Variants in ITPR2 observed in about 807,000 individuals in gnomAD.
The protein encoded by ITPR2 is inositol 1,4,5-trisphosphate receptor type 2.
A neutral mutation model predicts 317.1 loss-of-function variants in ITPR2; 207 were observed. That is an observed-to-expected ratio of 0.65 (90% confidence interval 0.58 to 0.73). ITPR2 has a LOEUF of 0.73. ITPR2 is among the 30% of genes least tolerant of loss of function. The probability of loss-of-function intolerance (pLI) is 0.00; values close to 1 mark genes in which losing one functional copy is unlikely to be tolerated. For synonymous variants in ITPR2, 1,156 were observed against 1,149.1 expected (o/e 1.01, Z -0.12); for missense variants, 2,613 against 3,284.0 (o/e 0.80, Z 4.99).
At chr12:26,359,897 G>C (rs551833047) in intron 55 of ITPR2, among the ~76,000 whole-genome samples, 1 of 152,092 alleles carries the variant, frequency 6.6e-6, no homozygotes, top group African/African-American at 2.4e-5. Context: ...TAACCTTGTG[G>C]GAATGAGGAA....
chr12:26,565,874 G>A (rs1274874857), intron 34 of ITPR2, among the ~76,000 whole-genome samples: 1 of 50,342 alleles, frequency 2.0e-5, no homozygotes, highest in African/African-American at 6.7e-5. Flanking sequence ...GAGGGGAGGA[G>A]AGGAGAGGGG....
At chr12:26,636,109 G>A (rs145404645) in intron 21 of ITPR2, among the ~76,000 whole-genome samples, 1 of 152,172 alleles carries the variant, frequency 6.6e-6, no homozygotes, top group East Asian at 1.9e-4. Context: ...TATTCCATGT[G>A]CCGAACCTAC....
chr12:26,709,759 A>G (rs756832604), intron 9 of ITPR2, among the ~76,000 whole-genome samples: 26 of 152,164 alleles, frequency 1.7e-4, no homozygotes, highest in Admixed American at 6.5e-5. Context: ...GGCTTTTGTA[A>G]TTTTTATTTT....
chr12:26,483,995 T>C, intron 41 of ITPR2, 97 bp from the exon 42 acceptor site: 1 of 1,058,442 alleles, frequency 9.4e-7, no homozygotes, highest in Non-Finnish European at 1.4e-6. Context: ...AACTTTTCTT[T>C]GTAAGAAAAG....
intron 52 of ITPR2, among the ~76,000 whole-genome samples, chr12:26,403,554 A>C (rs1189893426): frequency 6.6e-6 from 1 of 152,058 alleles, no homozygotes; most frequent in Non-Finnish European, 1.5e-5. Context: ...AAAGTTGGAG[A>C]CTGCAGTGAG....
intron 21 of ITPR2, among the ~76,000 whole-genome samples, chr12:26,651,281 C>T (rs1424920581): frequency 1.3e-5 from 2 of 152,156 alleles, no homozygotes; most frequent in African/African-American, 4.8e-5. Context: ...ACCCTCATCA[C>T]TTGTTTCTTT....
intron 22 of ITPR2, among the ~76,000 whole-genome samples, chr12:26,629,633 G>A (rs181028568): frequency 6.7e-6 from 1 of 149,968 alleles, no homozygotes; most frequent in Admixed American, 6.6e-5. Flanking sequence ...CTTTTTTAAC[G>A]CAGCTTTCAC....
chr12:26,694,489 C>T (rs188386622), intron 10 of ITPR2, among the ~76,000 whole-genome samples: 53 of 152,152 alleles, frequency 3.5e-4, no homozygotes, highest in African/African-American at 1.3e-3. Context: ...TTCTTTCTAA[C>T]ATGCTCTGAG....
At chr12:26,723,446 C>T (rs921288921) in intron 4 of ITPR2, among the ~76,000 whole-genome samples, 2 of 152,094 alleles carry the variant, frequency 1.3e-5, no homozygotes, top group Non-Finnish European at 2.9e-5. Flanking sequence ...ACCTGCGCTT[C>T]GGGTACTTGA....
chr12:26,386,661 T>C (rs937060766), intron 55 of ITPR2, among the ~76,000 whole-genome samples: 1 of 144,448 alleles, frequency 6.9e-6, no homozygotes, highest in Non-Finnish European at 1.5e-5. Flanking sequence ...TTTTGTCAGA[T>C]TTTTTTGGGG....
At chr12:26,774,475 T>C (rs755587823) in intron 2 of ITPR2, among the ~76,000 whole-genome samples, 1 of 152,196 alleles carries the variant, frequency 6.6e-6, no homozygotes, top group Non-Finnish European at 1.5e-5. Flanking sequence ...CTTGTTTTTA[T>C]AGAAAAGTTA....
At chr12:26,658,166 CA>C in intron 16 of ITPR2, 36 bp from the exon 17 acceptor site, 1 of 1,438,080 alleles carries the variant, frequency 7.0e-7, no homozygotes, top group Non-Finnish European at 9.3e-7. Context: ...AATATGAAGA[CA>C]AAGCATTTTA....
intron 50 of ITPR2, among the ~76,000 whole-genome samples, chr12:26,416,392 C>G (rs1274897780): frequency 6.6e-6 from 1 of 152,080 alleles, no homozygotes; most frequent in African/African-American, 2.4e-5. Context: ...GTATAAATAT[C>G]TGTTTGGAAA....
intron 1 of ITPR2, among the ~76,000 whole-genome samples, chr12:26,814,510 T>G (rs558713148): frequency 2.0e-5 from 3 of 152,198 alleles, no homozygotes; most frequent in Non-Finnish European, 4.4e-5. Context: ...TGTGGCACTT[T>G]GCAAGCTCTT....
At chr12:26,539,343 G>A (rs1346840179) in intron 37 of ITPR2, among the ~76,000 whole-genome samples, 2 of 152,046 alleles carry the variant, frequency 1.3e-5, no homozygotes, top group African/African-American at 2.4e-5. Context: ...CAGTGTCCCA[G>A]TTCATGTGAC....
Position 26,398,869 on chromosome 12 carries a change from C to T in ITPR2, c.7696+7G>A, listed in dbSNP as rs776728857. The T allele has an allele frequency of 6.2e-7, 1 of 1,606,644 alleles. No homozygotes were observed. On this transcript the variant is annotated splice_region_variant and intron_variant, in intron 54 of 56. Coordinates refer to ENST00000381340, the MANE Select transcript of ITPR2 (RefSeq NM_002223.4). ...ATCTATTATTTTAGCATCTGCCGAA[C>T]ACTTACCACAGATGAAACAAGTTGT...
In ITPR2 at chr12:26,354,481, C is replaced by T. The variant is rs150622440; in HGVS notation, c.7858-14153G>A. On this transcript the variant is annotated intron_variant, in intron 55 of 56. Coordinates refer to ENST00000381340, the MANE Select transcript of ITPR2 (RefSeq NM_002223.4). ...CCACCACATGGTCATAGTCACAGAGCGTTACCTGCTGTCATCTGATTGTAC... is the reference window on the plus strand; with the variant it reads ...CCACCACATGGTCATAGTCACAGAGTGTTACCTGCTGTCATCTGATTGTAC... Among the ~76,000 whole-genome samples the T allele has an allele frequency of 1.3e-3, 194 of 152,178 alleles. 1 individual carries two copies. Among genetic ancestry groups the T allele is most frequent in the African/African-American group, 4.6e-3 (189 of 41,502 alleles).
intron 35 of ITPR2, among the ~76,000 whole-genome samples, chr12:26,559,280 C>T (rs1054198936): frequency 6.6e-6 from 1 of 152,126 alleles, no homozygotes; most frequent in Non-Finnish European, 1.5e-5. Context: ...AATTAAAATG[C>T]CTTAATATGT....
intron 55 of ITPR2, among the ~76,000 whole-genome samples, chr12:26,386,419 T>C (rs1416519204): frequency 6.6e-6 from 1 of 152,198 alleles, no homozygotes; most frequent in African/African-American, 2.4e-5. Context: ...CATGTAAATA[T>C]TGACAGGTAA....
Sources: gnomAD v4.1 joint callset for allele counts (sites outside exome capture counted in the v4.1 genomes callset) on GRCh38, gnomAD v4.1.1 for gene constraint, MANE v1.5 for transcripts, NCBI Gene and HGNC (gene_info 2026-07-23, HGNC 2026-07-21) for gene names.